Variants in DCHS2 observed in about 807,000 individuals in gnomAD.
DCHS2 encodes dachsous cadherin-related 2, also known as protocadherin-23.
Under a neutral mutation model 182.4 loss-of-function variants are expected in DCHS2, and 142 were observed. The observed-to-expected ratio is 0.78, with a 90% confidence interval of 0.68 to 0.89. The LOEUF is 0.89. Among genes scored for constraint, DCHS2 ranks in the 40% least tolerant of loss-of-function variants. The probability of loss-of-function intolerance (pLI) is 0.00; values close to 1 mark genes in which losing one functional copy is unlikely to be tolerated. For missense variants in DCHS2, 4,319 were observed against 4,198.6 expected (o/e 1.03, Z -0.79); for synonymous variants, 1,740 against 1,663.3 (o/e 1.05, Z -1.12).
intron 1 of DCHS2, among the ~76,000 whole-genome samples, chr4:154,389,112 A>G (rs1437170622): frequency 1.3e-5 from 2 of 152,220 alleles, no homozygotes; most frequent in Non-Finnish European, 2.9e-5. Flanking sequence ...GCCGTGGACA[A>G]TAAGTAAATG....
At chr4:154,368,046 C>G (rs1329516673) in intron 2 of DCHS2, among the ~76,000 whole-genome samples, 1 of 152,052 alleles carries the variant, frequency 6.6e-6, no homozygotes, top group African/African-American at 2.4e-5. Context: ...AGAGCCATGC[C>G]GGGTATCAAT....
intron 1 of DCHS2, among the ~76,000 whole-genome samples, chr4:154,402,237 T>C (rs1732216105): frequency 6.6e-6 from 1 of 152,210 alleles, no homozygotes; most frequent in Non-Finnish European, 1.5e-5. Context: ...TCCACTGAAT[T>C]ATTTGTCTTT....
At chr4:154,475,922 G>T (rs1348042250) in intron 1 of DCHS2, among the ~76,000 whole-genome samples, 1 of 152,104 alleles carries the variant, frequency 6.6e-6, no homozygotes, top group Non-Finnish European at 1.5e-5. Context: ...ATAGATTCAA[G>T]CCTATCTGTT....
At chr4:154,337,864 C>A (rs1728889082) in intron 3 of DCHS2, among the ~76,000 whole-genome samples, 1 of 152,052 alleles carries the variant, frequency 6.6e-6, no homozygotes, top group Admixed American at 6.6e-5. Context: ...CCTCAGCCTC[C>A]CGAGTAGCTG....
At chr4:154,429,711 A>G (rs1733479971) in intron 1 of DCHS2, among the ~76,000 whole-genome samples, 1 of 151,200 alleles carries the variant, frequency 6.6e-6, no homozygotes, top group Non-Finnish European at 1.5e-5. Flanking sequence ...TCTATTAGAT[A>G]TGGTCTGTTT....
At chr4:154,280,414 C>G (rs192903220) in intron 13 of DCHS2, among the ~76,000 whole-genome samples, 1 of 152,124 alleles carries the variant, frequency 6.6e-6, no homozygotes, top group Non-Finnish European at 1.5e-5. Flanking sequence ...GACAAAGATA[C>G]TAAAAAGAAA....
intron 1 of DCHS2, among the ~76,000 whole-genome samples, chr4:154,467,896 A>G (rs1457523822): frequency 1.3e-5 from 2 of 152,194 alleles, no homozygotes; most frequent in African/African-American, 4.8e-5. Flanking sequence ...TCATTCTGTC[A>G]TATGTTCATG....
chr4:154,268,192 T>C (rs1733385617), intron 14 of DCHS2, among the ~76,000 whole-genome samples: 1 of 151,996 alleles, frequency 6.6e-6, no homozygotes, highest in Admixed American at 6.6e-5. Flanking sequence ...CAATCTTTTC[T>C]CTTTTCTTAT....
chr4:154,332,272 T>C (rs1423896007), intron 5 of DCHS2, among the ~76,000 whole-genome samples: 1 of 152,256 alleles, frequency 6.6e-6, no homozygotes. Flanking sequence ...AATCCATTTT[T>C]AAGACCTCAC....
At chr4:154,436,337 T>C (rs1733777169) in intron 1 of DCHS2, among the ~76,000 whole-genome samples, 4 of 152,256 alleles carry the variant, frequency 2.6e-5, no homozygotes, top group Admixed American at 2.6e-4. Flanking sequence ...TTATCTATAC[T>C]ATATGTTGTA....
At chr4:154,459,365 G>T (rs1028039880) in intron 1 of DCHS2, among the ~76,000 whole-genome samples, 3 of 151,728 alleles carry the variant, frequency 2.0e-5, no homozygotes, top group Non-Finnish European at 2.9e-5. Context: ...TTCTTCAAAG[G>T]AATTTTACGT....
intron 19 of DCHS2, among the ~76,000 whole-genome samples, chr4:154,238,427 C>T (rs1277335847): frequency 1.3e-5 from 2 of 152,048 alleles, no homozygotes; most frequent in East Asian, 3.9e-4. Flanking sequence ...TCTCCCAGGC[C>T]CTGTTATTTT....
chr4:154,388,859 C>G lies in DCHS2; in HGVS notation c.2053-11415G>C, dbSNP rs188931660. On this transcript the variant is annotated intron_variant, in intron 1 of 19. Coordinates refer to ENST00000357232, the MANE Select transcript of DCHS2 (RefSeq NM_001358235.2). ...AGATGAGCATCAAAAAATATTAATCCTAAAAAAAAATTGTATTTGATAGGC... is the reference window on the plus strand; with the variant it reads ...AGATGAGCATCAAAAAATATTAATCGTAAAAAAAAATTGTATTTGATAGGC... Among the ~76,000 whole-genome samples the G allele has an allele frequency of 3.9e-5, 6 of 152,044 alleles. No individual in the cohort carries two copies. The East Asian group carries it at 1.2e-3, about 29-fold the overall frequency.
intron 1 of DCHS2, among the ~76,000 whole-genome samples, chr4:154,408,006 G>A (rs1732470385): frequency 6.6e-6 from 1 of 150,894 alleles, no homozygotes; most frequent in South Asian, 2.1e-4. Flanking sequence ...CTCACCCTCA[G>A]ACTGCCCATG....
chr4:154,257,497 GGAGA>G (rs1316007637), intron 15 of DCHS2, among the ~76,000 whole-genome samples: 1 of 152,134 alleles, frequency 6.6e-6, no homozygotes, highest in African/African-American at 2.4e-5. Context: ...CAAATTTCAG[GGAGA>G]GAAAGTCTGT....
At chr4:154,301,316 CTATT>C (rs898590793) in intron 12 of DCHS2, among the ~76,000 whole-genome samples, 14 of 152,090 alleles carry the variant, frequency 9.2e-5, no homozygotes, top group African/African-American at 2.9e-4. Flanking sequence ...AAAATAAAGA[CTATT>C]CATTAACTTT....
At chr4:154,307,404 C>T (rs1292285609) in intron 10 of DCHS2, among the ~76,000 whole-genome samples, 1 of 150,422 alleles carries the variant, frequency 6.6e-6, no homozygotes, top group Non-Finnish European at 1.5e-5. Context: ...TGTGTATGCA[C>T]ACCAGTGTGA....
At position 154,377,433 on chromosome 4, in the gene DCHS2, A is replaced by T; in HGVS notation, c.2064T>A (p.Ser688=). Residue 688 remains serine, a synonymous_variant, in exon 2 of 20, where the codon TCT becomes TCA. Transcript: ENST00000357232. ...AGCCATAGAGTCCTGAATCTGCATC[A>T]GAGGCTGTCACCTGTGAGACAGGAG... ...VGHCFLQVTA[S]DADSGLYGFI... 1 of 1,611,952 alleles carries T rather than the reference A, an allele frequency of 6.2e-7. No homozygotes were observed. The highest frequency in any genetic ancestry group is 8.5e-7 in the Non-Finnish European group (1 of 1,178,740).
At chr4:154,340,905 C>T (rs889195879) in intron 3 of DCHS2, among the ~76,000 whole-genome samples, 1 of 151,968 alleles carries the variant, frequency 6.6e-6, no homozygotes, top group Non-Finnish European at 1.5e-5. Flanking sequence ...CAGGAGATAA[C>T]GAAATTTAAA....
Sources: allele counts gnomAD v4.1 joint callset (sites outside exome capture counted in the v4.1 genomes callset), GRCh38; gene constraint gnomAD v4.1.1; transcripts MANE v1.5; gene names NCBI Gene and HGNC (gene_info 2026-07-23, HGNC 2026-07-21).